NEDD4L: variants seen among roughly 807,000 people sequenced by gnomAD.
NEDD4L encodes E3 ubiquitin-protein ligase NEDD4-like.
A neutral mutation model predicts 148.9 loss-of-function variants in NEDD4L; 54 were observed. That is an observed-to-expected ratio of 0.36 (90% CI 0.29 to 0.45). The LOEUF (loss-of-function observed/expected upper bound fraction) is 0.45, where lower values mean the gene tolerates loss of function less well. NEDD4L is among the 20% of genes least tolerant of loss of function. The pLI is 1.00. For synonymous variants in NEDD4L, 433 were observed against 440.7 expected (o/e 0.98, Z 0.22); for missense variants, 856 against 1,233.8 (o/e 0.69, Z 4.59).
chr18:58,138,033 G>A (rs916860055), intron 1 of NEDD4L, among the ~76,000 whole-genome samples: 4 of 152,174 alleles, frequency 2.6e-5, no homozygotes, highest in African/African-American at 9.7e-5. Flanking sequence ...GCAGGGCCCC[G>A]GGTCTGCCAT....
At position 58,351,020 on chromosome 18, in the gene NEDD4L, T is replaced by C; in HGVS notation, c.1683T>C (p.Asp561=). ...GCTGGGAAGAAAGAATTCACTTGGA[T>C]GGCCGAACGTTTTATATTGATCATA... ...PPGWEERIHL[D]GRTFYIDHNS... The change falls in exon 18 of 31, where the codon GAT becomes GAC. Residue 561 remains aspartate, a synonymous_variant. Coordinates refer to ENST00000400345, the MANE Select transcript of NEDD4L (RefSeq NM_001144967.3). 1 of 1,595,070 alleles carries C rather than the reference T, an allele frequency of 6.3e-7. No individual in the cohort carries two copies. The highest frequency in any genetic ancestry group is 8.5e-7 in the Non-Finnish European group (1 of 1,170,064).
At chr18:58,337,535 G>A (rs538695540) in intron 13 of NEDD4L, among the ~76,000 whole-genome samples, 117 of 152,122 alleles carry the variant, frequency 7.7e-4, no homozygotes, top group African/African-American at 2.4e-3. Context: ...ACAGACATAC[G>A]GCTGTGTACA....
At chr18:58,096,496 C>G (rs1346105318) in intron 1 of NEDD4L, among the ~76,000 whole-genome samples, 3 of 151,932 alleles carry the variant, frequency 2.0e-5, no homozygotes, top group Non-Finnish European at 4.4e-5. Context: ...CTGCACCTCC[C>G]AGATTCAAGC....
chr18:58,300,587 C>T (rs1176294867), intron 5 of NEDD4L, among the ~76,000 whole-genome samples: 1 of 152,214 alleles, frequency 6.6e-6, no homozygotes, highest in Non-Finnish European at 1.5e-5. Flanking sequence ...TTTTTGCTGT[C>T]TTTCTCAGTG....
intron 1 of NEDD4L, among the ~76,000 whole-genome samples, chr18:58,086,998 G>T (rs1253321807): frequency 6.6e-6 from 1 of 152,166 alleles, no homozygotes; most frequent in African/African-American, 2.4e-5. Flanking sequence ...TAAAAGCATT[G>T]TGGATGTCCT....
chr18:58,172,817 A>G (rs796230513), intron 2 of NEDD4L, among the ~76,000 whole-genome samples: 6 of 152,308 alleles, frequency 3.9e-5, no homozygotes, highest in African/African-American at 7.2e-5. Context: ...GGTGGGACCT[A>G]TTAAGTTCAG....
intron 24 of NEDD4L, among the ~76,000 whole-genome samples, chr18:58,381,382 A>G (rs1250433456): frequency 6.6e-6 from 1 of 152,050 alleles, no homozygotes; most frequent in Non-Finnish European, 1.5e-5. Flanking sequence ...TCTGTGGCCG[A>G]CCCGCTCATT....
chr18:58,335,758 A>G (rs948137804), intron 13 of NEDD4L: 2 of 456,390 alleles, frequency 4.4e-6, no homozygotes, highest in East Asian at 3.7e-5. Flanking sequence ...TATTAGGAAT[A>G]CTATCAGGCT....
At chr18:58,106,183 C>G (rs1205238972) in intron 1 of NEDD4L, among the ~76,000 whole-genome samples, 4 of 152,154 alleles carry the variant, frequency 2.6e-5, no homozygotes. Flanking sequence ...GCCCAGGATC[C>G]TGGGACACTG....
intron 1 of NEDD4L, among the ~76,000 whole-genome samples, chr18:58,082,596 A>AC (rs2083523352): frequency 6.7e-6 from 1 of 148,854 alleles, no homozygotes; most frequent in Admixed American, 6.7e-5. Flanking sequence ...ACATGGTGAA[A>AC]CCCCGTCTCT....
chr18:58,255,940 G>A (rs1184303285), intron 5 of NEDD4L: 9 of 1,231,002 alleles, frequency 7.3e-6, no homozygotes, highest in East Asian at 3.2e-5. Flanking sequence ...GCAAGGCCAC[G>A]GACGGGGCCA....
intron 2 of NEDD4L, among the ~76,000 whole-genome samples, chr18:58,234,451 C>T (rs1173982334): frequency 2.0e-5 from 3 of 151,538 alleles, no homozygotes; most frequent in Non-Finnish European, 2.9e-5. Flanking sequence ...CTCACCTCAG[C>T]CTCTTGAGTA....
chr18:58,170,288 C>T (rs1406013181), intron 2 of NEDD4L, among the ~76,000 whole-genome samples: 1 of 152,150 alleles, frequency 6.6e-6, no homozygotes, highest in African/African-American at 2.4e-5. Flanking sequence ...GCTGAGGCCC[C>T]TGCCCGCCTC....
chr18:58,242,341 C>A (rs2046731743), intron 2 of NEDD4L, among the ~76,000 whole-genome samples: 1 of 152,160 alleles, frequency 6.6e-6, no homozygotes, highest in Non-Finnish European at 1.5e-5. Context: ...ATGATTTTCT[C>A]TGGTCTTTGC....
At chr18:58,177,643 T>C (rs1186125478) in intron 2 of NEDD4L, among the ~76,000 whole-genome samples, 1 of 152,218 alleles carries the variant, frequency 6.6e-6, no homozygotes, top group Non-Finnish European at 1.5e-5. Flanking sequence ...TCTGTGTTAT[T>C]GAAGGTAACA....
At position 58,330,838 on chromosome 18, in the gene NEDD4L, A is replaced by G. The variant is rs1368938795; in HGVS notation, c.914A>G (p.Gln305Arg). 2 of 1,613,812 alleles carry G rather than the reference A, an allele frequency of 1.2e-6. No individual in the cohort carries two copies. The highest frequency in any genetic ancestry group is 1.7e-6 in the Non-Finnish European group (2 of 1,179,840). ...TCCCCAGGATCTCGGACCAGCCCTCAGGAGCTGTCAGAGGAACTAAGCAGA... is the reference window on the plus strand; with the variant it reads ...TCCCCAGGATCTCGGACCAGCCCTCGGGAGCTGTCAGAGGAACTAAGCAGA... ...PASPGSRTSP[Q>R]ELSEELSRRL... Residue 305 changes from glutamine to arginine, a missense_variant, in exon 11 of 31, where the codon CAG (glutamine) becomes CGG (arginine). Transcript: ENST00000400345.
intron 1 of NEDD4L, among the ~76,000 whole-genome samples, chr18:58,067,432 G>A (rs189730985): frequency 6.6e-6 from 1 of 152,158 alleles, no homozygotes; most frequent in Non-Finnish European, 1.5e-5. Flanking sequence ...CGTTTAAGGG[G>A]TTATCAGGGA....
chr18:58,234,703 G>A (rs1326278390), intron 2 of NEDD4L, among the ~76,000 whole-genome samples: 2 of 151,950 alleles, frequency 1.3e-5, no homozygotes, highest in African/African-American at 4.8e-5. Context: ...TGAAATACTG[G>A]GGGAACATAG....
In NEDD4L at chr18:58,341,650, A is replaced by C. The variant is rs755873217; in HGVS notation, c.1258-28A>C. 6.9e-6 allele frequency: 11 copies of C among 1,602,814 alleles called. No homozygotes were observed. In the South Asian group the frequency reaches 7.9e-5, roughly 11 times the overall value. ...CACACACCGGGAGATCCTCCTATGA[A>C]GCTAACTTGTTTTTGCCTCCAAAAT... is the stretch of plus-strand genomic sequence containing the variant. On this transcript the variant is annotated intron_variant, in intron 14 of 30. Coordinates refer to ENST00000400345, the MANE Select transcript of NEDD4L (RefSeq NM_001144967.3).
Sources: gnomAD v4.1 joint callset for allele counts (sites outside exome capture counted in the v4.1 genomes callset) on GRCh38, gnomAD v4.1.1 for gene constraint, MANE v1.5 for transcripts, NCBI Gene and HGNC (gene_info 2026-07-23, HGNC 2026-07-21) for gene names.